UTS2: variants seen among roughly 807,000 people sequenced by gnomAD.
UTS2 encodes urotensin-2.
In UTS2, 10 loss-of-function variants were observed where a neutral mutation model predicts 12.6. The observed-to-expected ratio is 0.80, with a 90% CI of 0.49 to 1.35. UTS2 has a LOEUF of 1.35. Ranked by LOEUF, UTS2 falls within the 40% of genes most tolerant of loss-of-function variation. UTS2 has a pLI of 0.00. For missense variants in UTS2, 142 were observed against 143.2 expected, an observed-to-expected ratio of 0.99 and a Z score of 0.04; for synonymous variants, 52 against 50.0, an observed-to-expected ratio of 1.04 and a Z score of -0.17.
chr1:7,853,330 A>G (rs750842874), upstream of UTS2: 1 of 1,614,184 alleles, frequency 6.2e-7, no homozygotes, highest in East Asian at 2.2e-5. Flanking sequence ...GAATTAAAGG[A>G]AGGCTTGGAT....
At chr1:7,896,608 A>G in the UTS2 span, among the ~76,000 whole-genome samples, 46 of 152,254 alleles carry the variant, frequency 3.0e-4, no homozygotes, top group Non-Finnish European at 5.7e-4. Context: ...TAGTCACTGT[A>G]ATATCTGATA....
the UTS2 span, among the ~76,000 whole-genome samples, chr1:7,898,209 T>C: frequency 4.6e-5 from 7 of 152,178 alleles, no homozygotes; most frequent in African/African-American, 1.4e-4. Flanking sequence ...AAAATATAAG[T>C]GGCGATTGTT....
chr1:7,869,418 A>T, the UTS2 span, among the ~76,000 whole-genome samples: 1 of 152,188 alleles, frequency 6.6e-6, no homozygotes, highest in Non-Finnish European at 1.5e-5. Flanking sequence ...GCCTCCCCAA[A>T]ATAGGGGTGA....
the UTS2 span, among the ~76,000 whole-genome samples, chr1:7,888,645 T>G: frequency 6.6e-6 from 1 of 152,224 alleles, no homozygotes; most frequent in Non-Finnish European, 1.5e-5. Context: ...CGAAGGAGGT[T>G]AAAATTCTGT....
chr1:7,895,377 T>G, the UTS2 span, among the ~76,000 whole-genome samples: 1 of 150,878 alleles, frequency 6.6e-6, no homozygotes, highest in East Asian at 2.0e-4. Flanking sequence ...CCCAAAAAAA[T>G]AAATAAATAA....
chr1:7,879,733 T>TCTGTCTAAC, the UTS2 span, among the ~76,000 whole-genome samples: 1 of 143,922 alleles, frequency 6.9e-6, no homozygotes, highest in Non-Finnish European at 1.5e-5. Context: ...AGAGCAAGAC[T>TCTGTCTAAC]CTGTCTAACA....
the UTS2 span, among the ~76,000 whole-genome samples, chr1:7,873,708 C>G: frequency 2.0e-5 from 3 of 152,178 alleles, no homozygotes; most frequent in Non-Finnish European, 4.4e-5. Context: ...GGAATCTGCT[C>G]TTGGTGAAGA....
At chr1:7,851,849 C>G (rs2097414494) in intron 1 of UTS2, among the ~76,000 whole-genome samples, 1 of 152,170 alleles carries the variant, frequency 6.6e-6, no homozygotes, top group Admixed American at 6.5e-5. Context: ...GTGTGAGATG[C>G]TACACTCATT....
upstream of UTS2, among the ~76,000 whole-genome samples, chr1:7,855,384 G>C (rs1638287367): frequency 6.6e-6 from 1 of 151,960 alleles, no homozygotes; most frequent in Admixed American, 6.6e-5. Context: ...AAGAGTTTGA[G>C]ACAAGCCTGG....
the UTS2 span, among the ~76,000 whole-genome samples, chr1:7,864,236 C>T: frequency 0.1 from 15,439 of 152,146 alleles, 1,712 homozygotes; most frequent in East Asian, 0.47. Context: ...TCTCCTGAGG[C>T]GTGTCTCTTG....
the UTS2 span, among the ~76,000 whole-genome samples, chr1:7,907,162 G>A: frequency 2.6e-5 from 4 of 152,070 alleles, no homozygotes; most frequent in South Asian, 2.1e-4. Context: ...AGGCTGAGGC[G>A]AGAGAATTGC....
chr1:7,857,822 C>T (rs1578031634), upstream of UTS2, among the ~76,000 whole-genome samples: 2 of 146,900 alleles, frequency 1.4e-5, no homozygotes, highest in African/African-American at 5.1e-5. Context: ...TGCACTCCAG[C>T]CTGGGCAACA....
chr1:7,882,161 G>T, the UTS2 span, among the ~76,000 whole-genome samples: 1 of 136,886 alleles, frequency 7.3e-6, no homozygotes, highest in Admixed American at 7.5e-5. Flanking sequence ...AAAGGGAGAC[G>T]CCATCTCTAC....
chr1:7,860,566 A>T, the UTS2 span, among the ~76,000 whole-genome samples: 1 of 152,020 alleles, frequency 6.6e-6, no homozygotes, highest in East Asian at 1.9e-4. Flanking sequence ...ACTGTGTTTT[A>T]TTTCTATTAT....
At chr1:7,863,430 T>C in the UTS2 span, among the ~76,000 whole-genome samples, 3 of 152,166 alleles carry the variant, frequency 2.0e-5, no homozygotes, top group Non-Finnish European at 4.4e-5. Context: ...TATTTAAAAT[T>C]GCAGCCTGCC....
the UTS2 span, among the ~76,000 whole-genome samples, chr1:7,900,128 G>T: frequency 2.0e-5 from 3 of 152,210 alleles, no homozygotes; most frequent in East Asian, 3.9e-4. Context: ...CAGGCACAAT[G>T]GCTCACACCT....
At chr1:7,868,569 C>T in the UTS2 span, among the ~76,000 whole-genome samples, 1 of 152,186 alleles carries the variant, frequency 6.6e-6, no homozygotes, top group Non-Finnish European at 1.5e-5. Flanking sequence ...CACCACAGTC[C>T]ACAAGCCTGT....
At chr1:7,887,215 G>T in the UTS2 span, among the ~76,000 whole-genome samples, 1 of 151,980 alleles carries the variant, frequency 6.6e-6, no homozygotes, top group South Asian at 2.1e-4. Flanking sequence ...TGTTATTTGA[G>T]AGGTTCCATG....
intron 3 of UTS2, 148 bp downstream of exon 3, chr1:7,849,488 GGCAT>G (rs1211402241): frequency 9.1e-6 from 6 of 657,330 alleles, no homozygotes; most frequent in Admixed American, 3.8e-5. Context: ...TGGGATCACA[GGCAT>G]GAGCTACCGC....
Sources: allele counts gnomAD v4.1 joint callset (sites outside exome capture counted in the v4.1 genomes callset), GRCh38; gene constraint gnomAD v4.1.1; transcripts MANE v1.5; gene names NCBI Gene and HGNC (gene_info 2026-07-23, HGNC 2026-07-21).